DCAF8L2: variants seen among roughly 807,000 people sequenced by gnomAD.
The protein encoded by DCAF8L2 is DDB1 and CUL4 associated factor 8 like 2.
For synonymous variants in DCAF8L2, 200 were observed against 190.9 expected, an observed-to-expected ratio of 1.05 and a Z score of -0.39; for missense variants, 430 against 490.7, an observed-to-expected ratio of 0.88 and a Z score of 1.17.
At chrX:27,744,360 T>G (rs765717828) in intron 4 of DCAF8L2, among the ~76,000 whole-genome samples, 1 of 111,646 alleles carries the variant, frequency 9.0e-6, no homozygotes, top group African/African-American at 3.3e-5. Context: ...ATCTGTCCAC[T>G]TGGCTAACTT....
At chrX:27,554,234 A>G in the DCAF8L2 span, among the ~76,000 whole-genome samples, 2 of 112,222 alleles carry the variant, frequency 1.8e-5, no homozygotes, top group Non-Finnish European at 3.8e-5. Context: ...AATTACCTAT[A>G]TAAAGTGAGT....
chrX:27,728,295 T>C (rs1920999223), intron 4 of DCAF8L2, among the ~76,000 whole-genome samples: 1 of 110,051 alleles, frequency 9.1e-6, no homozygotes, highest in Non-Finnish European at 1.9e-5. Flanking sequence ...TAGTCACTTG[T>C]AGCAACGGCC....
the DCAF8L2 span, chrX:27,518,515 G>A: frequency 1.4e-4 from 52 of 372,017 alleles, no homozygotes; most frequent in African/African-American, 8.5e-4. Context: ...CGAGGCAGGC[G>A]GATCACGAGG....
chrX:27,527,613 G>A, the DCAF8L2 span, among the ~76,000 whole-genome samples: 23 of 110,486 alleles, frequency 2.1e-4, no homozygotes, highest in South Asian at 1.5e-3. Flanking sequence ...CTTCTGTGTC[G>A]CTCACACTGG....
chrX:27,606,887 T>G (rs1184555961), intron 1 of DCAF8L2, among the ~76,000 whole-genome samples: 1 of 111,321 alleles, frequency 9.0e-6, no homozygotes. Flanking sequence ...GCACTTTAAC[T>G]CTAGAAAACT....
the DCAF8L2 span, among the ~76,000 whole-genome samples, chrX:27,512,800 A>AAAAAC: frequency 1.0e-5 from 1 of 98,431 alleles, no homozygotes; most frequent in Non-Finnish European, 2.0e-5. Context: ...AAAAAAAAAA[A>AAAAAC]AAAAAAAAAA....
intron 1 of DCAF8L2, among the ~76,000 whole-genome samples, chrX:27,609,417 C>T (rs1423851603): frequency 9.0e-6 from 1 of 111,630 alleles, no homozygotes; most frequent in Non-Finnish European, 1.9e-5. Flanking sequence ...TCCTCCAGGT[C>T]CCTGATGATA....
chrX:27,721,399 T>C (rs1396522787), intron 4 of DCAF8L2, among the ~76,000 whole-genome samples: 1 of 111,724 alleles, frequency 9.0e-6, no homozygotes, highest in Non-Finnish European at 1.9e-5. Context: ...TATAAATATA[T>C]ATAGAACAAG....
chrX:27,565,316 G>A, the DCAF8L2 span, among the ~76,000 whole-genome samples: 8 of 111,280 alleles, frequency 7.2e-5, no homozygotes, highest in African/African-American at 2.0e-4. Flanking sequence ...TGATTATGTG[G>A]TTCTTTTTCT....
the DCAF8L2 span, among the ~76,000 whole-genome samples, chrX:27,525,242 A>G: frequency 8.9e-6 from 1 of 111,962 alleles, no homozygotes; most frequent in Non-Finnish European, 1.9e-5. Flanking sequence ...TATTTAGGAT[A>G]GTTAGCTCTT....
chrX:27,484,412 G>A, the DCAF8L2 span, among the ~76,000 whole-genome samples: 1 of 111,059 alleles, frequency 9.0e-6, no homozygotes, highest in Admixed American at 9.6e-5. Flanking sequence ...AATAATAAAA[G>A]TTGTAAAATT....
chrX:27,527,556 A>C, the DCAF8L2 span, among the ~76,000 whole-genome samples: 1 of 111,402 alleles, frequency 9.0e-6, no homozygotes, highest in African/African-American at 3.3e-5. Context: ...GACAAGCCCC[A>C]GTGAGGTGAA....
the DCAF8L2 span, among the ~76,000 whole-genome samples, chrX:27,520,344 G>T: frequency 9.0e-6 from 1 of 111,580 alleles, no homozygotes; most frequent in Admixed American, 9.6e-5. Context: ...GTAATCAATG[G>T]CAAGTGCAGA....
At chrX:27,583,570 C>T in the DCAF8L2 span, among the ~76,000 whole-genome samples, 1 of 111,480 alleles carries the variant, frequency 9.0e-6, no homozygotes, top group Non-Finnish European at 1.9e-5. Flanking sequence ...GGGCCATGGA[C>T]TGTTACCCTT....
intron 4 of DCAF8L2, among the ~76,000 whole-genome samples, chrX:27,735,514 T>C (rs990413266): frequency 8.9e-6 from 1 of 112,385 alleles, no homozygotes; most frequent in African/African-American, 3.2e-5. Flanking sequence ...ATCTAATGAA[T>C]TGTGAACTAC....
rs1031798019 is a variant in DCAF8L2 at position 27,594,299 on chromosome X, C to A, written c.-342+3859C>A. On this transcript the variant is annotated intron_variant, in intron 1 of 4. Coordinates refer to ENST00000451261, the MANE Select transcript of DCAF8L2 (RefSeq NM_001353450.2). The stretch of plus-strand genomic sequence containing the variant: ...TTATCATTCTAGCTCCATAATTCAG[C>A]ATTTTTCTGAGTTTTATTTTGGCTA... Among the ~76,000 whole-genome samples, 3 of 111,541 alleles carry A rather than the reference C, an allele frequency of 2.7e-5. No individual in the cohort carries two copies. In the Admixed American group the frequency reaches 2.9e-4, roughly 11 times the overall value.
intron 3 of DCAF8L2, among the ~76,000 whole-genome samples, chrX:27,685,254 T>C: frequency 8.9e-6 from 1 of 112,013 alleles, no homozygotes; most frequent in African/African-American, 3.2e-5. Flanking sequence ...ACAAAGAAGT[T>C]TGATATTGCC....
the DCAF8L2 span, among the ~76,000 whole-genome samples, chrX:27,480,785 T>A: frequency 8.9e-6 from 1 of 111,822 alleles, no homozygotes; most frequent in Admixed American, 9.6e-5. Context: ...ACATTTCTTC[T>A]GTTGACCTAC....
At chrX:27,573,241 C>CTT in the DCAF8L2 span, among the ~76,000 whole-genome samples, 27 of 93,508 alleles carry the variant, frequency 2.9e-4, 1 homozygote, top group Admixed American at 2.5e-3. Flanking sequence ...AAATCTCTCT[C>CTT]TCTCTCTCTC....
Sources: gnomAD v4.1 joint callset for allele counts (sites outside exome capture counted in the v4.1 genomes callset) on GRCh38, gnomAD v4.1.1 for gene constraint, MANE v1.5 for transcripts, NCBI Gene and HGNC (gene_info 2026-07-23, HGNC 2026-07-21) for gene names.